Variants in CPXM2 observed in about 807,000 individuals in gnomAD.
The protein encoded by CPXM2 is inactive carboxypeptidase-like protein X2.
A neutral mutation model predicts 86.1 loss-of-function variants in CPXM2; 66 were observed. That is an observed-to-expected ratio of 0.77 (90% CI 0.63 to 0.94). The LOEUF is 0.94. CPXM2 is among the 40% of genes least tolerant of loss of function. CPXM2 has a pLI of 0.00. For missense variants in CPXM2, 948 were observed against 1,026.3 expected (o/e 0.92, Z 1.04); for synonymous variants, 388 against 400.2 (o/e 0.97, Z 0.36).
At chr10:123,768,375 A>AT (rs1264032764) in intron 9 of CPXM2, 151 bp downstream of exon 9, 41 of 350,166 alleles carry the variant, frequency 1.2e-4, no homozygotes, top group African/African-American at 1.2e-3. Flanking sequence ...CTCCGACTCA[A>AT]AAAATAAATA....
At chr10:123,936,491 A>G (rs1353948859) in intron 2 of CPXM2, among the ~76,000 whole-genome samples, 1 of 152,170 alleles carries the variant, frequency 6.6e-6, no homozygotes, top group African/African-American at 2.4e-5. Context: ...CACAGAAGAG[A>G]TATTACTCAC....
intron 4 of CPXM2, among the ~76,000 whole-genome samples, chr10:123,825,104 T>A (rs780464280): frequency 5.3e-5 from 8 of 152,214 alleles, no homozygotes; most frequent in Non-Finnish European, 1.0e-4. Context: ...ATTTACCTTC[T>A]GGATCTAAAC....
intron 7 of CPXM2, among the ~76,000 whole-genome samples, chr10:123,776,362 T>C (rs1846788038): frequency 6.6e-6 from 1 of 152,196 alleles, no homozygotes; most frequent in Non-Finnish European, 1.5e-5. Context: ...GAGATGGAAA[T>C]AAACTTTGCA....
intron 6 of CPXM2, among the ~76,000 whole-genome samples, chr10:123,783,763 T>C (rs1037661902): frequency 1.3e-5 from 2 of 152,178 alleles, no homozygotes; most frequent in African/African-American, 4.8e-5. Flanking sequence ...CTTCTGACCT[T>C]TGAAACAGGA....
chr10:123,943,738 C>T (rs1208623210), upstream of CPXM2, among the ~76,000 whole-genome samples: 1 of 152,160 alleles, frequency 6.6e-6, no homozygotes, highest in African/African-American at 2.4e-5. Context: ...AGCTCAGGGC[C>T]CAGGCTACGG....
At chr10:123,819,996 T>A (rs1222983470) in intron 4 of CPXM2, among the ~76,000 whole-genome samples, 1 of 152,074 alleles carries the variant, frequency 6.6e-6, no homozygotes, top group Non-Finnish European at 1.5e-5. Flanking sequence ...CAGAAAAACA[T>A]GAAAAGACCA....
At chr10:123,858,913 T>G (rs1848797200) in intron 3 of CPXM2, among the ~76,000 whole-genome samples, 1 of 152,224 alleles carries the variant, frequency 6.6e-6, no homozygotes, top group South Asian at 2.1e-4. Flanking sequence ...CTTTTGACAC[T>G]CACAATTCCA....
At chr10:123,869,645 G>A (rs1200328678) in intron 2 of CPXM2, among the ~76,000 whole-genome samples, 3 of 152,196 alleles carry the variant, frequency 2.0e-5, no homozygotes, top group East Asian at 1.9e-4. Flanking sequence ...CGGGAGGCGA[G>A]CATGGCGTCC....
chr10:123,764,983 T>A (rs1285299026), intron 10 of CPXM2, among the ~76,000 whole-genome samples: 2 of 151,364 alleles, frequency 1.3e-5, no homozygotes, highest in Non-Finnish European at 3.0e-5. Context: ...GTTGCCAGTA[T>A]TTTTTTCTTT....
intron 6 of CPXM2, among the ~76,000 whole-genome samples, chr10:123,790,186 T>C (rs1000967737): frequency 8.6e-5 from 13 of 151,236 alleles, no homozygotes; most frequent in African/African-American, 2.9e-4. Flanking sequence ...GGAAAGGTGG[T>C]TACAGAACAG....
intron 2 of CPXM2, among the ~76,000 whole-genome samples, chr10:123,914,354 T>C (rs28606029): frequency 0.36 from 54,087 of 152,108 alleles, 10,053 homozygotes; most frequent in Middle Eastern, 0.55. Flanking sequence ...ACATGTTCTT[T>C]AGCGCTGGGT....
At chr10:123,815,478 C>G (rs1297103282) in intron 4 of CPXM2, among the ~76,000 whole-genome samples, 1 of 152,212 alleles carries the variant, frequency 6.6e-6, no homozygotes, top group East Asian at 1.9e-4. Flanking sequence ...CCTGATGAAG[C>G]TGGGGACACT....
At chr10:123,866,131 C>T (rs75240324) in intron 2 of CPXM2, among the ~76,000 whole-genome samples, 4,326 of 152,202 alleles carry the variant, frequency 0.028, 206 homozygotes, top group African/African-American at 0.097. Context: ...GGCTGCAGCA[C>T]GGGCTCATCA....
upstream of CPXM2, among the ~76,000 whole-genome samples, chr10:123,941,560 C>T (rs1365985665): frequency 6.6e-6 from 1 of 152,222 alleles, no homozygotes; most frequent in African/African-American, 2.4e-5. Context: ...TTCAGAGGTC[C>T]TAGAGGTTAG....
At chr10:123,805,381 A>G (rs1425934307) in intron 4 of CPXM2, among the ~76,000 whole-genome samples, 3 of 152,118 alleles carry the variant, frequency 2.0e-5, no homozygotes, top group East Asian at 3.9e-4. Flanking sequence ...GTTTCATGCC[A>G]TAAATTTCGA....
intron 2 of CPXM2, among the ~76,000 whole-genome samples, chr10:123,872,690 G>C (rs922360321): frequency 6.6e-6 from 1 of 152,128 alleles, no homozygotes; most frequent in African/African-American, 2.4e-5. Context: ...GTCCCTCCTG[G>C]AGAAAATCTG....
chr10:123,924,691 A>G (rs1173341580), intron 2 of CPXM2, among the ~76,000 whole-genome samples: 2 of 152,188 alleles, frequency 1.3e-5, no homozygotes, highest in Admixed American at 6.5e-5. Context: ...CAGAGGATGC[A>G]GAGTGGCGGT....
intron 13 of CPXM2, among the ~76,000 whole-genome samples, chr10:123,747,630 A>G (rs1183433616): frequency 1.3e-5 from 2 of 152,110 alleles, no homozygotes; most frequent in African/African-American, 4.8e-5. Flanking sequence ...CCCATGCTGG[A>G]GCTGAGGTGG....
chr10:123,837,093 T>A (rs539289952), intron 4 of CPXM2, among the ~76,000 whole-genome samples: 1 of 152,402 alleles, frequency 6.6e-6, no homozygotes, highest in East Asian at 1.9e-4. Context: ...CCTTCTGACG[T>A]TGGCATCTTA....
Sources: gnomAD v4.1 joint callset for allele counts (sites outside exome capture counted in the v4.1 genomes callset) on GRCh38, gnomAD v4.1.1 for gene constraint, MANE v1.5 for transcripts, NCBI Gene and HGNC (gene_info 2026-07-23, HGNC 2026-07-21) for gene names.